CCDC146: variants seen among roughly 807,000 people sequenced by gnomAD.
CCDC146 encodes coiled-coil domain-containing protein 146.
A neutral mutation model predicts 119.3 loss-of-function variants in CCDC146; 92 were observed. The ratio of observed to expected loss-of-function variants is 0.77; its 90% CI spans 0.65 to 0.92. CCDC146 has a LOEUF of 0.92. Ranked by LOEUF, CCDC146 falls within the 40% of genes least tolerant of loss-of-function variation. The pLI is 0.00. For synonymous variants in CCDC146, 372 were observed against 371.8 expected, an observed-to-expected ratio of 1.00 and a Z score of -0.01; for missense variants, 1,000 against 1,103.0, an observed-to-expected ratio of 0.91 and a Z score of 1.32.
At chr7:77,286,641 C>A (rs1202403434) in intron 15 of CCDC146, among the ~76,000 whole-genome samples, 157 bp from the exon 16 acceptor site, 1 of 152,182 alleles carries the variant, frequency 6.6e-6, no homozygotes, top group Non-Finnish European at 1.5e-5. Flanking sequence ...CGTCACTTAA[C>A]CAGGTCCCAG....
chr7:77,165,816 C>A (rs1791330682), intron 1 of CCDC146, among the ~76,000 whole-genome samples: 1 of 152,046 alleles, frequency 6.6e-6, no homozygotes, highest in Admixed American at 6.5e-5. Flanking sequence ...AAAATAAAAG[C>A]AAACACACAG....
chr7:77,193,168 G>C (rs1791802819), intron 2 of CCDC146, among the ~76,000 whole-genome samples: 1 of 152,134 alleles, frequency 6.6e-6, no homozygotes, highest in South Asian at 2.1e-4. Context: ...AGAGGAAGTT[G>C]AATGCCACAA....
At chr7:77,260,372 A>G (rs1202850383) in intron 8 of CCDC146, 136 bp downstream of exon 8, 1 of 612,228 alleles carries the variant, frequency 1.6e-6, no homozygotes, top group East Asian at 3.0e-5. Context: ...TACCCTTAAT[A>G]TATTATCAAA....
chr7:77,136,711 T>G (rs1790864747), intron 1 of CCDC146, among the ~76,000 whole-genome samples: 1 of 152,190 alleles, frequency 6.6e-6, no homozygotes. Context: ...AAAATTATAC[T>G]AATTCACTAC....
chr7:77,189,214 C>T (rs978134828), intron 2 of CCDC146, among the ~76,000 whole-genome samples: 2 of 152,160 alleles, frequency 1.3e-5, no homozygotes, highest in African/African-American at 4.8e-5. Flanking sequence ...TGCAGACAGG[C>T]TTCCCCTGCA....
At chr7:77,252,971 T>C (rs866696085) in intron 4 of CCDC146, among the ~76,000 whole-genome samples, 4 of 152,148 alleles carry the variant, frequency 2.6e-5, no homozygotes, top group Non-Finnish European at 4.4e-5. Flanking sequence ...CTGTGAAATA[T>C]AGTCCCCCTG....
intron 6 of CCDC146, chr7:77,257,213 G>A (rs988358725): frequency 1.3e-5 from 2 of 151,948 alleles, no homozygotes; most frequent in Non-Finnish European, 2.9e-5. Context: ...TATCCTTGTC[G>A]GAGTGCATTC....
At chr7:77,193,905 C>A (rs921569633) in intron 2 of CCDC146, 5 of 152,386 alleles carry the variant, frequency 3.3e-5, no homozygotes, top group Non-Finnish European at 5.9e-5. Context: ...ATAGTTAAGG[C>A]AAAAGGTTCT....
intron 4 of CCDC146, among the ~76,000 whole-genome samples, chr7:77,252,571 A>G (rs1253292296): frequency 2.6e-5 from 4 of 152,226 alleles, no homozygotes; most frequent in African/African-American, 7.2e-5. Context: ...GGCCTTTGAT[A>G]TACACAACTG....
chr7:77,170,770 T>G (rs1031928019), intron 2 of CCDC146, among the ~76,000 whole-genome samples: 1 of 151,966 alleles, frequency 6.6e-6, no homozygotes, highest in African/African-American at 2.4e-5. Context: ...CTAACAGACG[T>G]TTCTCAAAAG....
intron 9 of CCDC146, among the ~76,000 whole-genome samples, chr7:77,271,090 G>A (rs1012830608): frequency 6.6e-6 from 1 of 151,756 alleles, no homozygotes; most frequent in Non-Finnish European, 1.5e-5. Flanking sequence ...TTGCTGTCGT[G>A]GTTAATACTA....
intron 16 of CCDC146, 68 bp from the exon 17 acceptor site, chr7:77,287,372 A>C: frequency 1.9e-6 from 3 of 1,547,316 alleles, no homozygotes; most frequent in South Asian, 1.1e-5. Context: ...TACTGCTCTA[A>C]TTAGGAAATA....
At chr7:77,132,973 A>T (rs2117397605) in intron 1 of CCDC146, among the ~76,000 whole-genome samples, 1 of 152,122 alleles carries the variant, frequency 6.6e-6, no homozygotes, top group South Asian at 2.1e-4. Flanking sequence ...GGAGTTCAAG[A>T]CCAGTCTGGC....
intron 2 of CCDC146, among the ~76,000 whole-genome samples, chr7:77,188,537 A>G (rs1437140794): frequency 6.6e-6 from 1 of 152,184 alleles, no homozygotes; most frequent in Non-Finnish European, 1.5e-5. Flanking sequence ...CTATATGCAT[A>G]TGTGTATCTA....
intron 2 of CCDC146, chr7:77,199,670 T>C: frequency 6.2e-7 from 1 of 1,614,224 alleles, no homozygotes; most frequent in Non-Finnish European, 8.5e-7. Context: ...CTTTCTAGTC[T>C]CACTGGGCAG....
At chr7:77,270,288 G>T (rs1428945994) in intron 9 of CCDC146, among the ~76,000 whole-genome samples, 1 of 151,390 alleles carries the variant, frequency 6.6e-6, no homozygotes, top group Non-Finnish European at 1.5e-5. Context: ...CTCCTGGGGA[G>T]TAGTACTTGA....
intron 8 of CCDC146, among the ~76,000 whole-genome samples, chr7:77,261,408 T>C (rs1793294083): frequency 6.6e-6 from 1 of 152,210 alleles, no homozygotes. Context: ...TTGCTAAGGA[T>C]AATGACCTCC....
At chr7:77,265,191 C>T (rs75026613) in intron 9 of CCDC146, among the ~76,000 whole-genome samples, 1,622 of 152,200 alleles carry the variant, frequency 0.011, 21 homozygotes, top group African/African-American at 0.036. Context: ...TATAGTAGAC[C>T]GCAGTTATAA....
In CCDC146 at chr7:77,271,541, T is replaced by G. The variant is rs1335619589; in HGVS notation, c.1174-2153T>G. On this transcript the variant is annotated intron_variant, in intron 9 of 18. Coordinates refer to ENST00000285871, the MANE Select transcript of CCDC146 (RefSeq NM_020879.3). ...ATATATATATATATATATATATATA[T>G]ATATATATATATATATATATATATA... Among the ~76,000 whole-genome samples the G allele has an allele frequency of 1.2e-3, 109 of 93,318 alleles. 3 individuals are homozygous for G. The highest frequency in any genetic ancestry group is 5.3e-3 in the African/African-American group (105 of 19,734). The allele number at this position is 93,318 out of a possible 152,430, so 61.2% of individuals were successfully genotyped here.
Sources: allele counts gnomAD v4.1 joint callset (sites outside exome capture counted in the v4.1 genomes callset), GRCh38; gene constraint gnomAD v4.1.1; transcripts MANE v1.5; gene names NCBI Gene and HGNC (gene_info 2026-07-23, HGNC 2026-07-21).